The following CPED1 variants were observed in gnomAD, a reference collection of about 807,000 sequenced individuals.
The protein encoded by CPED1 is cadherin-like and PC-esterase domain-containing protein 1.
In CPED1, 114 loss-of-function variants were observed where a neutral mutation model predicts 128.2. The ratio of observed to expected loss-of-function variants is 0.89; its 90% CI spans 0.76 to 1.04. The LOEUF (loss-of-function observed/expected upper bound fraction) is 1.04. Among genes scored for constraint, CPED1 ranks in the 50% least tolerant of loss-of-function variants. The probability of loss-of-function intolerance (pLI) is 0.00; values close to 1 mark genes in which losing one functional copy is unlikely to be tolerated. For synonymous variants in CPED1, 462 were observed against 426.7 expected, an observed-to-expected ratio of 1.08 and a Z score of -1.02; for missense variants, 1,211 against 1,207.1, an observed-to-expected ratio of 1.00 and a Z score of -0.05.
Position 121,140,838 on chromosome 7 carries a change from C to T in CPED1, c.1711C>T (p.Pro571Ser), listed in dbSNP as rs1795885324. ...TGTTTTTTTAACAGATGAAAACACA[C>T]CATGTCATATCAAGCAGATCTTCAC... ...EIHCSDDENT[P>S]CHIKQIFTHP... The change falls in exon 15 of 23, where the codon CCA becomes TCA. Residue 571 changes from proline (P) to serine (S), a missense_variant. Physicochemically the swap from Pro to Ser is moderately conservative, Grantham distance 74 (BLOSUM62 -1). Transcript: ENST00000310396. 3 of 1,610,660 alleles carry T rather than the reference C, an allele frequency of 1.9e-6. No homozygotes were observed. Among genetic ancestry groups the T allele is most frequent in the Non-Finnish European group, 2.5e-6 (3 of 1,178,142 alleles).
intron 5 of CPED1, among the ~76,000 whole-genome samples, chr7:121,087,229 C>T (rs372039320): frequency 3.9e-5 from 6 of 152,252 alleles, no homozygotes; most frequent in African/African-American, 1.4e-4. Context: ...ATCCTCAATA[C>T]ACAATAAATT....
intron 7 of CPED1, among the ~76,000 whole-genome samples, chr7:121,102,513 C>T (rs1794873915): frequency 6.6e-6 from 1 of 152,084 alleles, no homozygotes; most frequent in African/African-American, 2.4e-5. Context: ...CTCTCTTAGG[C>T]ATAAAAGCAC....
At chr7:121,019,267 A>T (rs549986973) in intron 3 of CPED1, among the ~76,000 whole-genome samples, 8 of 152,028 alleles carry the variant, frequency 5.3e-5, no homozygotes, top group Non-Finnish European at 1.2e-4. Flanking sequence ...GACTTACGCA[A>T]GTTAAGTTCT....
chr7:121,060,262 C>T (rs1793623374), intron 4 of CPED1, among the ~76,000 whole-genome samples: 1 of 152,248 alleles, frequency 6.6e-6, no homozygotes, highest in South Asian at 2.1e-4. Flanking sequence ...CCCTGATGAG[C>T]GCCGCCCCTT....
At chr7:121,162,561 T>A (rs1205844112) in intron 16 of CPED1, among the ~76,000 whole-genome samples, 1 of 152,200 alleles carries the variant, frequency 6.6e-6, no homozygotes, top group East Asian at 1.9e-4. Flanking sequence ...CAATTTATAT[T>A]GTTAATTCAA....
intron 4 of CPED1, among the ~76,000 whole-genome samples, chr7:121,050,218 G>C (rs190813379): frequency 1.3e-5 from 2 of 152,238 alleles, no homozygotes; most frequent in Admixed American, 1.3e-4. Context: ...ATATTTCTCA[G>C]ATCTGTTATC....
chr7:121,124,615 T>C, intron 8 of CPED1, 142 bp downstream of exon 8: 1 of 547,658 alleles, frequency 1.8e-6, no homozygotes, highest in East Asian at 3.3e-5. Context: ...AACATGATCT[T>C]CTAAACATAT....
intron 22 of CPED1, among the ~76,000 whole-genome samples, chr7:121,291,580 C>A (rs1003255516): frequency 6.6e-6 from 1 of 152,134 alleles, no homozygotes; most frequent in African/African-American, 2.4e-5. Flanking sequence ...TAGGAGTTCA[C>A]TCATGATTTA....
intron 4 of CPED1, chr7:121,052,066 T>C (rs1333591435): frequency 6.6e-6 from 1 of 152,412 alleles, no homozygotes; most frequent in Non-Finnish European, 1.5e-5. Flanking sequence ...AGAAACAGTG[T>C]TTTTGGTATG....
At chr7:121,253,427 TGG>T (rs1798733519) in intron 18 of CPED1, among the ~76,000 whole-genome samples, 1 of 151,678 alleles carries the variant, frequency 6.6e-6, no homozygotes, top group South Asian at 2.1e-4. Flanking sequence ...CAAACCTGCA[TGG>T]TGTGCACATG....
chr7:121,216,305 G>T (rs1797758942), intron 16 of CPED1, among the ~76,000 whole-genome samples: 1 of 152,056 alleles, frequency 6.6e-6, no homozygotes, highest in African/African-American at 2.4e-5. Context: ...CCATCTCCTA[G>T]CCATAAGGAA....
At chr7:121,131,585 T>C (rs1795667174) in intron 12 of CPED1, among the ~76,000 whole-genome samples, 2 of 151,508 alleles carry the variant, frequency 1.3e-5, no homozygotes, top group African/African-American at 4.8e-5. Flanking sequence ...TCAAGCTCCA[T>C]GTATGTTGTA....
intron 7 of CPED1, among the ~76,000 whole-genome samples, chr7:121,107,254 T>G (rs13223036): frequency 0.29 from 44,125 of 152,032 alleles, 6,839 homozygotes; most frequent in Middle Eastern, 0.4. Flanking sequence ...TCCCTAAGAC[T>G]TTAACAACAA....
chr7:121,117,044 CAT>C (rs1226022147), intron 7 of CPED1, among the ~76,000 whole-genome samples: 31 of 140,328 alleles, frequency 2.2e-4, no homozygotes, highest in Non-Finnish European at 1.2e-4. Flanking sequence ...TATACACACA[CAT>C]ATATACACAC....
chr7:121,051,094 A>G, intron 4 of CPED1: 3 of 525,530 alleles, frequency 5.7e-6, no homozygotes, highest in Non-Finnish European at 1.2e-5. Context: ...AAAACAGGCC[A>G]AAGTGGCAAA....
In CPED1 at chr7:120,989,834, C is replaced by G. The variant is rs1164463253; in HGVS notation, c.213C>G (p.Cys71Trp). The G allele has an allele frequency of 6.2e-7, 1 of 1,614,010 alleles. No homozygotes were observed. The highest frequency in any genetic ancestry group is 8.5e-7 in the Non-Finnish European group (1 of 1,180,030). ...CKKGFSQDKQ[C>W]FLLSGNAQET... ...AAGGATTCTCTCAGGACAAACAGTG[C>G]TTCCTTCTCTCTGGTAATGCCCAGG... Residue 71 changes from cysteine to tryptophan, a missense_variant, in exon 2 of 23, where the codon TGC (cysteine) becomes TGG (tryptophan). Cys to Trp is a radical substitution (Grantham distance 215). Transcript: ENST00000310396.
intron 7 of CPED1, among the ~76,000 whole-genome samples, chr7:121,112,540 G>A (rs1395140632): frequency 6.6e-6 from 1 of 152,204 alleles, no homozygotes; most frequent in Non-Finnish European, 1.5e-5. Context: ...AAGAGGGAAC[G>A]TGGCCATGTG....
Position 121,009,453 on chromosome 7 carries a change from A to T in CPED1, c.250-6212A>T, listed in dbSNP as rs1222369921. ...AGCCCCATCTTTACAAAAAATATTT[A>T]AAAAATAGCTGGATGTGGTAGCATG... On this transcript the variant is annotated intron_variant, in intron 2 of 22. Coordinates refer to ENST00000310396, the MANE Select transcript of CPED1 (RefSeq NM_024913.5). Among the ~76,000 whole-genome samples, 6 of 152,054 alleles carry T rather than the reference A, an allele frequency of 3.9e-5. No individual in the cohort carries two copies. The East Asian group carries it at 9.7e-4, about 25-fold the overall frequency.
intron 4 of CPED1, among the ~76,000 whole-genome samples, chr7:121,058,090 T>C (rs963360395): frequency 9.2e-5 from 14 of 151,950 alleles, no homozygotes; most frequent in Non-Finnish European, 1.6e-4. Context: ...AGGAGTTCCA[T>C]GTGACTGAAG....
Sources: allele counts gnomAD v4.1 joint callset (sites outside exome capture counted in the v4.1 genomes callset), GRCh38; gene constraint gnomAD v4.1.1; transcripts MANE v1.5; gene names NCBI Gene and HGNC (gene_info 2026-07-23, HGNC 2026-07-21).